ZFYVE28: variants seen among roughly 807,000 people sequenced by gnomAD.
ZFYVE28 encodes lateral signaling target protein 2 homolog.
A neutral mutation model predicts 82.1 loss-of-function variants in ZFYVE28; 40 were observed. That is an observed-to-expected ratio of 0.49 (90% CI 0.38 to 0.63). The LOEUF (loss-of-function observed/expected upper bound fraction) is 0.63, where lower values mean the gene tolerates loss of function less well. ZFYVE28 is among the 30% of genes least tolerant of loss of function. The pLI is 0.00. For missense variants in ZFYVE28, 1,321 were observed against 1,242.1 expected, an observed-to-expected ratio of 1.06 and a Z score of -0.96; for synonymous variants, 612 against 546.1, an observed-to-expected ratio of 1.12 and a Z score of -1.68.
chr4:2,403,930 T>C (rs928176024), intron 1 of ZFYVE28, among the ~76,000 whole-genome samples: 8 of 143,630 alleles, frequency 5.6e-5, no homozygotes, highest in African/African-American at 1.8e-4. Flanking sequence ...TATTGCGCCA[T>C]TGCACTCCAG....
chr4:2,293,991 T>G (rs1034820049), intron 8 of ZFYVE28, among the ~76,000 whole-genome samples: 2 of 151,788 alleles, frequency 1.3e-5, no homozygotes, highest in Non-Finnish European at 2.9e-5. Context: ...ACTATGTTTA[T>G]GAACCAGAAC....
At chr4:2,351,362 C>A (rs1238924008) in intron 2 of ZFYVE28, among the ~76,000 whole-genome samples, 1 of 152,128 alleles carries the variant, frequency 6.6e-6, no homozygotes, top group Admixed American at 6.5e-5. Flanking sequence ...TATTAGGATA[C>A]AAGATCTATA....
chr4:2,392,163 A>G (rs1327505762), intron 1 of ZFYVE28, among the ~76,000 whole-genome samples: 1 of 151,970 alleles, frequency 6.6e-6, no homozygotes, highest in Non-Finnish European at 1.5e-5. Flanking sequence ...CAAAAAAAAA[A>G]AAAGGGTGGG....
In ZFYVE28 at chr4:2,394,459, C is replaced by G. The variant is rs577478916; in HGVS notation, c.39+23826G>C. On this transcript the variant is annotated intron_variant, in intron 1 of 12. Coordinates refer to ENST00000290974, the MANE Select transcript of ZFYVE28 (RefSeq NM_020972.3). The surrounding 1 kb of genome is among the most constrained non-coding windows in gnomAD (Gnocchi z 4.0). ...TTGCCAGCTGACTGGCAAAGGGGCT[C>G]TCTCACCATGGACTTGAGTTACAGT... Among the ~76,000 whole-genome samples the G allele has an allele frequency of 6.6e-6, 1 of 152,218 alleles. No homozygotes were observed. The highest frequency in any genetic ancestry group is 2.4e-5 in the African/African-American group (1 of 41,450).
At chr4:2,373,215 G>A (rs554387787) in intron 1 of ZFYVE28, among the ~76,000 whole-genome samples, 5 of 152,308 alleles carry the variant, frequency 3.3e-5, no homozygotes, top group Middle Eastern at 3.4e-3. Flanking sequence ...TAAAAAGTAT[G>A]AGCTGGGTGC....
intron 1 of ZFYVE28, among the ~76,000 whole-genome samples, chr4:2,366,873 G>A (rs1319064843): frequency 5.9e-5 from 9 of 152,206 alleles, no homozygotes; most frequent in African/African-American, 9.7e-5. Flanking sequence ...ACGGCGCCAC[G>A]CAAACCCCAG....
chr4:2,298,671 G>A (rs1159949966), intron 8 of ZFYVE28, among the ~76,000 whole-genome samples: 1 of 152,206 alleles, frequency 6.6e-6, no homozygotes, highest in Non-Finnish European at 1.5e-5. Flanking sequence ...GCAGGGAAGG[G>A]AGGACTCAAG....
chr4:2,271,252 C>T, intron 12 of ZFYVE28, 59 bp downstream of exon 12: 7 of 1,537,528 alleles, frequency 4.6e-6, no homozygotes, highest in Non-Finnish European at 5.3e-6. Context: ...AGACCTCAGG[C>T]TCTGTCCGTG....
chr4:2,340,510 T>C (rs1195486487), intron 3 of ZFYVE28, among the ~76,000 whole-genome samples: 1 of 152,172 alleles, frequency 6.6e-6, no homozygotes, highest in Non-Finnish European at 1.5e-5. Context: ...CAAGAAGCCA[T>C]TTCCCAGGTG....
Position 2,416,205 on chromosome 4 carries a change from C to CCAT in ZFYVE28, c.39+2077_39+2079dup, listed in dbSNP as rs1452522490. ...CTAATTCTCAGGACAACGTCTAGTACCATGTTCTACCTTTAACCTGTCTTC... is the reference window on the plus strand; with the variant it reads ...CTAATTCTCAGGACAACGTCTAGTACCATCATGTTCTACCTTTAACCTGTCTTC... On this transcript the variant is annotated intron_variant, in intron 1 of 12. Coordinates refer to ENST00000290974, the MANE Select transcript of ZFYVE28 (RefSeq NM_020972.3). The surrounding 1 kb of genome is among the most constrained non-coding windows in gnomAD (Gnocchi z 4.6). Among the ~76,000 whole-genome samples the CCAT allele has an allele frequency of 6.6e-6, 1 of 152,254 alleles. No individual in the cohort carries two copies. The highest frequency in any genetic ancestry group is 1.5e-5 in the Non-Finnish European group (1 of 68,048).
rs182217796 is a variant in ZFYVE28, at chr4:2,315,228, G to T, written c.803+4942C>A. 3.6e-3 allele frequency among the ~76,000 whole-genome samples: 555 copies of T among 152,262 alleles called. 4 individuals carry two copies. The highest frequency in any genetic ancestry group is 0.013 in the African/African-American group (527 of 41,534). On this transcript the variant is annotated intron_variant, in intron 7 of 12. Transcript: ENST00000290974. ...CAAAATATCACCTTCATTTTTGAAG[G>T]ATATTATTGCTGGTTATAAAATGCT...
intron 8 of ZFYVE28, among the ~76,000 whole-genome samples, chr4:2,278,687 T>C (rs1577870113): frequency 6.7e-6 from 1 of 150,144 alleles, no homozygotes; most frequent in Non-Finnish European, 1.5e-5. Context: ...TTGCAAATCA[T>C]GTGTCTGATA....
chr4:2,273,162 TG>T lies in ZFYVE28; in HGVS notation c.2323+10del. On this transcript the variant is annotated intron_variant, in intron 10 of 12. Coordinates refer to ENST00000290974, the MANE Select transcript of ZFYVE28 (RefSeq NM_020972.3). ...CGCAGGCCTCAGAGCCCGTCCTGAG[TG>T]GGCACTCACCCTTCCTTAACTTTTC... The T allele has an allele frequency of 6.2e-7, 1 of 1,608,274 alleles. No individual in the cohort carries two copies. The highest frequency in any genetic ancestry group is 1.3e-5 in the African/African-American group (1 of 74,926).
chr4:2,331,528 A>G (rs922773029), intron 6 of ZFYVE28, among the ~76,000 whole-genome samples: 32 of 152,236 alleles, frequency 2.1e-4, no homozygotes, highest in African/African-American at 7.7e-4. Context: ...CAAAAAAAAG[A>G]AACTGTTTTA....
chr4:2,411,229 C>CA (rs1732489448), intron 1 of ZFYVE28, among the ~76,000 whole-genome samples: 2 of 149,652 alleles, frequency 1.3e-5, no homozygotes, highest in Non-Finnish European at 3.0e-5. Flanking sequence ...GGGGCCCCCC[C>CA]ACTTGATGTG....
rs1461903611 is a variant in ZFYVE28, at chr4:2,391,860, C to T, written c.39+26425G>A. On this transcript the variant is annotated intron_variant, in intron 1 of 12. Coordinates refer to ENST00000290974, the MANE Select transcript of ZFYVE28 (RefSeq NM_020972.3). ...AAGCGATTCCCCTGCCTCAGGCTCCCGAGTAGCTGGGATTACAGGTGCCCA... is the reference window on the plus strand; with the variant it reads ...AAGCGATTCCCCTGCCTCAGGCTCCTGAGTAGCTGGGATTACAGGTGCCCA... 4.0e-5 allele frequency among the ~76,000 whole-genome samples: 6 copies of T among 151,662 alleles called. No homozygotes were observed. The South Asian group carries it at 6.3e-4, about 16-fold the overall frequency.
intron 5 of ZFYVE28, among the ~76,000 whole-genome samples, chr4:2,336,871 G>A (rs1313635741): frequency 1.4e-5 from 2 of 143,314 alleles, no homozygotes. Flanking sequence ...GAGGAGGGAG[G>A]AGGTGAAGAG....
intron 5 of ZFYVE28, among the ~76,000 whole-genome samples, chr4:2,336,571 A>C (rs1578147133): frequency 6.9e-6 from 1 of 145,076 alleles, no homozygotes; most frequent in African/African-American, 2.5e-5. Context: ...TGCCCCCCCC[A>C]CTCCCTAAAA....
intron 8 of ZFYVE28, among the ~76,000 whole-genome samples, chr4:2,294,292 C>A (rs1714210600): frequency 6.6e-6 from 1 of 152,154 alleles, no homozygotes; most frequent in Admixed American, 6.5e-5. Flanking sequence ...CAGATGTAAA[C>A]CCACCCCATG....
Sources: gnomAD v4.1 joint callset for allele counts (sites outside exome capture counted in the v4.1 genomes callset) on GRCh38, gnomAD v4.1.1 for gene constraint, Gnocchi (gnomAD v3.1) non-coding constraint, MANE v1.5 for transcripts, NCBI Gene and HGNC (gene_info 2026-07-23, HGNC 2026-07-21) for gene names.